The following PCDHGA1 variants were observed in gnomAD, a reference collection of about 807,000 sequenced individuals.
PCDHGA1 encodes protocadherin gamma subfamily A, 1.
In PCDHGA1, 32 loss-of-function variants were observed where a neutral mutation model predicts 58.0. The ratio of observed to expected loss-of-function variants is 0.55; its 90% CI spans 0.42 to 0.74. The LOEUF (loss-of-function observed/expected upper bound fraction) is 0.74, where lower values mean the gene tolerates loss of function less well. Ranked by LOEUF, PCDHGA1 falls within the 30% of genes least tolerant of loss-of-function variation. The pLI is 0.00. For synonymous variants in PCDHGA1, 498 were observed against 501.1 expected (o/e 0.99, Z 0.08); for missense variants, 1,205 against 1,182.3 (o/e 1.02, Z -0.28).
chr5:141,413,036 T>TGGGCTGCA, intron 1 of PCDHGA1: 1 of 805,900 alleles, frequency 1.2e-6, no homozygotes, highest in Non-Finnish European at 1.9e-6. Flanking sequence ...AACCGGCTGC[T>TGGGCTGCA]GGGCTGCAGG....
At chr5:141,447,884 G>A (rs1324802340) in intron 1 of PCDHGA1, among the ~76,000 whole-genome samples, 1 of 152,024 alleles carries the variant, frequency 6.6e-6, no homozygotes, top group Non-Finnish European at 1.5e-5. Context: ...TCAGGAGTTC[G>A]AGACCAGCCT....
intron 1 of PCDHGA1, among the ~76,000 whole-genome samples, chr5:141,468,281 C>T (rs568875291): frequency 6.8e-6 from 1 of 147,354 alleles, no homozygotes; most frequent in African/African-American, 2.5e-5. Flanking sequence ...GCCGAGACCA[C>T]GCCATTGCAC....
intron 1 of PCDHGA1, chr5:141,413,768 TG>T (rs1158107882): frequency 2.5e-6 from 4 of 1,613,132 alleles, no homozygotes; most frequent in Non-Finnish European, 3.4e-6. Context: ...TACCCGGAGC[TG>T]GTACTGGAGC....
chr5:141,432,991 C>T lies in PCDHGA1; in HGVS notation c.2422-61816C>T. ...CGGCGTCGCACTTTGTGGGCGTGGA[C>T]GGGGTGCAGGCTTTCCTGCAGACCT... is the stretch of plus-strand genomic sequence containing the variant. On this transcript the variant is annotated intron_variant, in intron 1 of 3. Coordinates refer to ENST00000517417, the MANE Select transcript of PCDHGA1 (RefSeq NM_018912.3). This position sits in a 1 kb window ranked among gnomAD's most constrained non-coding sequence, Gnocchi z 6.0. 6.2e-7 allele frequency: 1 copy of T among 1,614,200 alleles called. No individual in the cohort carries two copies. The highest frequency in any genetic ancestry group is 8.5e-7 in the Non-Finnish European group (1 of 1,180,030).
chr5:141,332,299 G>A lies in PCDHGA1; in HGVS notation c.1615G>A (p.Asp539Asn). The part of the protein sequence containing the change: ...QLKVMARDSG[D>N]PPLSSNVSLS... ...GAAAGTGATGGCGCGGGACAGTGGG[G>A]ATCCGCCCCTCAGCAGCAACGTGTC... Residue 539 changes from aspartate to asparagine, a missense_variant, in exon 1 of 4, where the codon GAT (aspartate) becomes AAT (asparagine). By Grantham distance (23) the Asp-to-Asn change is conservative. Coordinates refer to ENST00000517417, the MANE Select transcript of PCDHGA1 (RefSeq NM_018912.3). The surrounding 1 kb of genome is among the most constrained non-coding windows in gnomAD (Gnocchi z 4.6). The A allele has an allele frequency of 6.2e-7, 1 of 1,614,214 alleles. No individual in the cohort carries two copies. Among genetic ancestry groups the A allele is most frequent in the Non-Finnish European group, 8.5e-7 (1 of 1,180,046 alleles).
At chr5:141,360,035 G>T in intron 1 of PCDHGA1, 13 of 1,406,270 alleles carry the variant, frequency 9.2e-6, no homozygotes, top group Non-Finnish European at 1.2e-5. Context: ...TATAGATTCG[G>T]AAACAGAAAA....
chr5:141,399,632 C>G, intron 1 of PCDHGA1: 1 of 1,613,894 alleles, frequency 6.2e-7, no homozygotes, highest in Non-Finnish European at 8.5e-7. Flanking sequence ...TCTTACGTGT[C>G]CATGAGCGCG....
intron 1 of PCDHGA1, among the ~76,000 whole-genome samples, chr5:141,492,090 C>T (rs751238997): frequency 1.4e-4 from 21 of 152,258 alleles, no homozygotes; most frequent in Admixed American, 6.5e-5. Flanking sequence ...GCACGCTTCG[C>T]CGGTCTGTAG....
At chr5:141,365,306 G>C in intron 1 of PCDHGA1, 1 of 1,613,976 alleles carries the variant, frequency 6.2e-7, no homozygotes, top group South Asian at 1.1e-5. Context: ...GGATGGAGGC[G>C]CTCTTGTTGC....
intron 1 of PCDHGA1, chr5:141,426,874 C>T: frequency 2.2e-6 from 1 of 456,654 alleles, no homozygotes; most frequent in Non-Finnish European, 4.4e-6. Context: ...CTGGAGAAGC[C>T]CCTGGGCCAG....
At chr5:141,459,490 T>C (rs2098968649) in intron 1 of PCDHGA1, among the ~76,000 whole-genome samples, 1 of 152,236 alleles carries the variant, frequency 6.6e-6, no homozygotes, top group Non-Finnish European at 1.5e-5. Context: ...TATTCTGAAT[T>C]AAAGTGATGT....
chr5:141,421,871 C>CT, intron 1 of PCDHGA1: 1 of 1,613,756 alleles, frequency 6.2e-7, no homozygotes, highest in East Asian at 2.2e-5. Flanking sequence ...CTCCTCACAG[C>CT]TTTAGATGGA....
At chr5:141,374,341 C>T (rs1770393782) in intron 1 of PCDHGA1, 4 of 1,613,988 alleles carry the variant, frequency 2.5e-6, no homozygotes, top group Non-Finnish European at 3.4e-6. Flanking sequence ...GCTTGGTCAC[C>T]GCGGGTAGGA....
At chr5:141,404,321 T>A (rs764642673) in intron 1 of PCDHGA1, 7 of 1,613,764 alleles carry the variant, frequency 4.3e-6, no homozygotes, top group Non-Finnish European at 3.4e-6. Flanking sequence ...TCAAGCCTCC[T>A]ACTCAGTCTA....
intron 1 of PCDHGA1, chr5:141,393,009 A>T: frequency 6.2e-7 from 1 of 1,613,898 alleles, no homozygotes. Flanking sequence ...CGGAGTCCGT[A>T]TCGTCTCCAG....
intron 1 of PCDHGA1, chr5:141,365,075 G>T (rs754573655): frequency 1.2e-6 from 2 of 1,613,724 alleles, no homozygotes; most frequent in South Asian, 1.1e-5. Flanking sequence ...CGAGTACAGC[G>T]TGAGTGTTCC....
chr5:141,348,262 C>A lies in PCDHGA1; in HGVS notation c.2421+15157C>A, dbSNP rs566498840. Among the ~76,000 whole-genome samples, 17 of 152,256 alleles carry A rather than the reference C, an allele frequency of 1.1e-4. No homozygotes were observed. The South Asian group carries it at 2.3e-3, about 20-fold the overall frequency. ...TGTATGAGACAACAGGGCCAGAACA[C>A]AAAAGCTGTAAGCAGAGTAAGGTGT... On this transcript the variant is annotated intron_variant, in intron 1 of 3. Transcript: ENST00000517417.
rs1449605701 is a variant in PCDHGA1 at position 141,485,191 on chromosome 5, A to C, written c.2422-9616A>C. ...CGGCAGCAATGCTCCGCAAGGTGAG[A>C]AGCTGGACAGAAATCTGGCGGTGGG... is the stretch of plus-strand genomic sequence containing the variant. On this transcript the variant is annotated intron_variant, in intron 1 of 3. Coordinates refer to ENST00000517417, the MANE Select transcript of PCDHGA1 (RefSeq NM_018912.3). This position sits in a 1 kb window ranked among gnomAD's most constrained non-coding sequence, Gnocchi z 5.7. The C allele has an allele frequency of 6.2e-7, 1 of 1,613,836 alleles. No individual in the cohort carries two copies. The highest frequency in any genetic ancestry group is 1.3e-5 in the African/African-American group (1 of 75,042).
chr5:141,337,198 G>T (rs1326163716), intron 1 of PCDHGA1, among the ~76,000 whole-genome samples: 2 of 152,202 alleles, frequency 1.3e-5, no homozygotes, highest in African/African-American at 4.8e-5. Context: ...CACAACTGCT[G>T]TGGAAAATGG....
Sources: allele counts gnomAD v4.1 joint callset (sites outside exome capture counted in the v4.1 genomes callset), GRCh38; gene constraint gnomAD v4.1.1; non-coding constraint Gnocchi (gnomAD v3.1); transcripts MANE v1.5; gene names NCBI Gene and HGNC (gene_info 2026-07-23, HGNC 2026-07-21).